Variants in RPTN observed in about 807,000 individuals in gnomAD.
The protein encoded by RPTN is intermediate filament-associated protein.
Under a neutral mutation model 3.6 loss-of-function variants are expected in RPTN, and 4 were observed. The ratio of observed to expected loss-of-function variants is 1.12; its 90% CI spans 0.55 to 2.55. The LOEUF (loss-of-function observed/expected upper bound fraction) is 2.55. Among genes scored for constraint, RPTN ranks in the 30% most tolerant of loss-of-function variants. RPTN has a pLI of 0.02. For synonymous variants in RPTN, 293 were observed against 319.3 expected, an observed-to-expected ratio of 0.92 and a Z score of 0.88; for missense variants, 860 against 916.7, an observed-to-expected ratio of 0.94 and a Z score of 0.80.
At position 152,156,537 on chromosome 1, in the gene RPTN, G is replaced by T; in HGVS notation, c.562C>A (p.Gln188Lys). 4.3e-6 allele frequency: 7 copies of T among 1,614,186 alleles called. No individual in the cohort carries two copies. Among genetic ancestry groups the T allele is most frequent in the Non-Finnish European group, 5.9e-6 (7 of 1,180,040 alleles). The part of the protein sequence containing the change: ...RDSHHNQSER[Q>K]DKDFSFDQSE... ...TGATCAAAGCTGAAATCCTTGTCTT[G>T]TCTCTCAGACTGATTGTGGTGAGAA... Residue 188 changes from glutamine (Q) to lysine (K), a missense_variant, in exon 3 of 3, where the codon CAA becomes AAA. Gln to Lys is a moderately conservative substitution (Grantham distance 53). Coordinates refer to ENST00000316073, the MANE Select transcript of RPTN (RefSeq NM_001122965.1).
At position 152,154,694 on chromosome 1, in the gene RPTN, C is replaced by T; in HGVS notation, c.*50G>A. The T allele has an allele frequency of 1.3e-6, 2 of 1,595,142 alleles. No individual in the cohort carries two copies. Among genetic ancestry groups the T allele is most frequent in the Middle Eastern group, 1.7e-4 (1 of 5,948 alleles). On this transcript the variant is annotated 3_prime_UTR_variant, in exon 3 of 3. Coordinates refer to ENST00000316073, the MANE Select transcript of RPTN (RefSeq NM_001122965.1). The stretch of plus-strand genomic sequence containing the variant: ...CCTCTCTTTCTCCTCATAGTTTTGT[C>T]TATTATGTTGTTGCTGATGGTTTTG...
chr1:152,157,780 A>G lies in RPTN; in HGVS notation c.110T>C (p.Leu37Pro). 6.2e-7 allele frequency: 1 copy of G among 1,613,912 alleles called. No individual in the cohort carries two copies. Among genetic ancestry groups the G allele is most frequent in the Non-Finnish European group, 8.5e-7 (1 of 1,179,924 alleles). The change falls in exon 2 of 3, where the codon CTC becomes CCC. Residue 37 changes from leucine (L) to proline (P), a missense_variant. By Grantham distance (98) the Leu-to-Pro change is moderately conservative. Coordinates refer to ENST00000316073, the MANE Select transcript of RPTN (RefSeq NM_001122965.1). ...GAGGATGTCTCCAAACTCAGCCAAGAGCAGTTGTTTCAACTCTTCCTTGCA... is the reference window on the plus strand; with the variant it reads ...GAGGATGTCTCCAAACTCAGCCAAGGGCAGTTGTTTCAACTCTTCCTTGCA... Reference protein sequence around the residue: ...LLCKEELKQLLLAEFGDILQR... With the variant: ...LLCKEELKQLPLAEFGDILQR...
chr1:152,156,829 G>C lies in RPTN; in HGVS notation c.270C>G (p.Asp90Glu), dbSNP rs1659216742. The C allele has an allele frequency of 1.2e-6, 2 of 1,614,130 alleles. No individual in the cohort carries two copies. The highest frequency in any genetic ancestry group is 1.7e-6 in the Non-Finnish European group (2 of 1,180,032). Reference protein sequence around the residue: ...QLVQACYHKLDNKSHGGRTSQ... With the variant: ...QLVQACYHKLENKSHGGRTSQ... ...AGGTCCTGCCTCCATGTGACTTATT[G>C]TCTAGCTTATGATAGCAGGCTTGGA... is the stretch of plus-strand genomic sequence containing the variant. Residue 90 changes from aspartate to glutamate, a missense_variant, in exon 3 of 3, where the codon GAC (aspartate) becomes GAG (glutamate). Transcript: ENST00000316073.
chr1:152,157,648 T>A, intron 2 of RPTN, 104 bp downstream of exon 2: 1 of 1,219,474 alleles, frequency 8.2e-7, no homozygotes, highest in Non-Finnish European at 1.1e-6. Context: ...TTCCTTTTCT[T>A]ACAGGGCAGA....
chr1:152,158,508 T>C (rs942034450), intron 1 of RPTN, among the ~76,000 whole-genome samples: 8 of 152,200 alleles, frequency 5.3e-5, no homozygotes, highest in African/African-American at 1.9e-4. Flanking sequence ...ATATAAAAGC[T>C]GTTACAGATA....
chr1:152,157,819 TC>T lies in RPTN; in HGVS notation c.70del (p.Asp24ThrfsTer10). ...VFHKYAKGNG[D>X]CALLCKEELK... Reference sequence around the variant, plus strand: ...CTCTTCCTTGCATAGTAAGGCACAGTCCCCATTCCCTTTGGCATATTTGTGG... The same window carrying T: ...CTCTTCCTTGCATAGTAAGGCACAGTCCCATTCCCTTTGGCATATTTGTGG... On this transcript the variant is annotated frameshift_variant, in exon 2 of 3. Coordinates refer to ENST00000316073, the MANE Select transcript of RPTN (RefSeq NM_001122965.1). LOFTEE classifies it high-confidence loss of function. 1 of 1,613,972 alleles carries T rather than the reference TC, an allele frequency of 6.2e-7. No individual in the cohort carries two copies. The highest frequency in any genetic ancestry group is 8.5e-7 in the Non-Finnish European group (1 of 1,179,918).
intron 2 of RPTN, 148 bp from the exon 3 acceptor site, chr1:152,157,108 C>T: frequency 1.5e-6 from 1 of 677,342 alleles, no homozygotes; most frequent in Non-Finnish European, 2.5e-6. Context: ...GGACTTGGCG[C>T]TAGTCTTTGA....
At chr1:152,157,646 C>A in intron 2 of RPTN, 106 bp downstream of exon 2, 1 of 1,177,676 alleles carries the variant, frequency 8.5e-7, no homozygotes, top group East Asian at 2.6e-5. Flanking sequence ...AATTCCTTTT[C>A]TTACAGGGCA....
At chr1:152,157,098 G>A (rs1011801640) in intron 2 of RPTN, 138 bp from the exon 3 acceptor site, 1 of 721,288 alleles carries the variant, frequency 1.4e-6, no homozygotes, top group Non-Finnish European at 2.3e-6. Context: ...GAAGTGGTGT[G>A]GACTTGGCGC....
chr1:152,155,332 C>A lies in RPTN; in HGVS notation c.1767G>T (p.Gly589=), dbSNP rs778670730. The stretch of plus-strand genomic sequence containing the variant: ...AGTACTTATTTTGCCCTTGTATTTC[C>A]CCAGTCTGTGATTGAATATAGTGGG... ...QSSHYIQSQT[G]EIQGQNKYFQ... The change falls in exon 3 of 3, where the codon GGG becomes GGT. Residue 589 remains glycine, a synonymous_variant. Transcript: ENST00000316073. The A allele has an allele frequency of 1.2e-6, 2 of 1,614,088 alleles. No homozygotes were observed. Among genetic ancestry groups the A allele is most frequent in the Non-Finnish European group, 1.7e-6 (2 of 1,180,054 alleles).
In RPTN at chr1:152,155,372, C is replaced by T; in HGVS notation, c.1727G>A (p.Arg576Lys). The change falls in exon 3 of 3, where the codon AGA (arginine) becomes AAA (lysine). Residue 576 changes from arginine (R) to lysine (K), a missense_variant. By Grantham distance (26) the Arg-to-Lys change is conservative. Transcript: ENST00000316073. ...GQSYHYGQTD[R>K]QGQSSHYIQS... ...AATATAGTGGGAACTCTGGCCTTGTCTGTCTGTCTGACCATAATGATAGCT... is the reference window on the plus strand; with the variant it reads ...AATATAGTGGGAACTCTGGCCTTGTTTGTCTGTCTGACCATAATGATAGCT... 1 of 1,614,122 alleles carries T rather than the reference C, an allele frequency of 6.2e-7. No homozygotes were observed. The highest frequency in any genetic ancestry group is 1.1e-5 in the South Asian group (1 of 91,072).
At position 152,154,386 on chromosome 1, in the gene RPTN, C is replaced by T. The variant is rs1659147936; in HGVS notation, c.*358G>A. 1 of 286,484 alleles carries T rather than the reference C, an allele frequency of 3.5e-6. No homozygotes were observed. Among genetic ancestry groups the T allele is most frequent in the Non-Finnish European group, 6.5e-6 (1 of 154,770 alleles). The allele number at this position is 286,484 out of a possible 1,614,324, so 17.7% of individuals were successfully genotyped here. ...CTCGACATATAGGTTTCTTTTTTGG[C>T]TTTGTGTTGCTTTACCTCTGGTGCT... On this transcript the variant is annotated 3_prime_UTR_variant, in exon 3 of 3. Transcript: ENST00000316073.
In RPTN at chr1:152,153,604, TC is replaced by T. The variant is rs1269314169; in HGVS notation, c.*1139del. ...AAGGAGTCATGACAGTTATTGCTCATCAATTATTTATTAGATATTTTAATAC... is the reference window on the plus strand; with the variant it reads ...AAGGAGTCATGACAGTTATTGCTCATAATTATTTATTAGATATTTTAATAC... On this transcript the variant is annotated 3_prime_UTR_variant, in exon 3 of 3. Coordinates refer to ENST00000316073, the MANE Select transcript of RPTN (RefSeq NM_001122965.1). 1 of 152,324 alleles carries T rather than the reference TC, an allele frequency of 6.6e-6. No individual in the cohort carries two copies. The highest frequency in any genetic ancestry group is 1.5e-5 in the Non-Finnish European group (1 of 68,046). 9.4% of individuals were successfully genotyped at this position (152,324 alleles called of 1,614,324 possible).
rs758537608 is a variant in RPTN at position 152,156,482 on chromosome 1, G to A, written c.617C>T (p.Ser206Phe). The change falls in exon 3 of 3, where the codon TCT becomes TTT. Residue 206 changes from serine to phenylalanine, a missense_variant. Coordinates refer to ENST00000316073, the MANE Select transcript of RPTN (RefSeq NM_001122965.1). ...AGATTTGTGACTCACTTTTTTACCA[G>A]AGCTGGAGTCTTGACTTTGTCTCTC... Reference protein sequence around the residue: ...QSERQSQDSSSGKKVSHKSTS... With the variant: ...QSERQSQDSSFGKKVSHKSTS... 2.4e-5 allele frequency: 39 copies of A among 1,614,216 alleles called. No homozygotes were observed. The highest frequency in any genetic ancestry group is 3.0e-5 in the Non-Finnish European group (35 of 1,180,044).
rs1659202336 is a variant in RPTN at position 152,156,229 on chromosome 1, G to T, written c.870C>A (p.Gly290=). The T allele has an allele frequency of 6.2e-7, 1 of 1,613,926 alleles. No individual in the cohort carries two copies. The highest frequency in any genetic ancestry group is 1.1e-5 in the South Asian group (1 of 91,072). The change falls in exon 3 of 3, where the codon GGC becomes GGA. Residue 290 remains glycine, a synonymous_variant. Coordinates refer to ENST00000316073, the MANE Select transcript of RPTN (RefSeq NM_001122965.1). ...CCGTCTGACCGTAGTGGGAACTCTG[G>T]CCTTGTCTGTCTGTCTGACCACAGC... ...ELGCGQTDRQ[G]QSSHYGQTDR...
rs1659159303 is a variant in RPTN, at chr1:152,154,865, C to T, written c.2234G>A (p.Arg745Lys). Residue 745 changes from arginine to lysine, a missense_variant, in exon 3 of 3, where the codon AGA becomes AAA. Coordinates refer to ENST00000316073, the MANE Select transcript of RPTN (RefSeq NM_001122965.1). Reference sequence around the variant, plus strand: ...GCTCTGCTCATGTTCATGGGTTTGTCTGTCTCGTCTCTGATGGTTCTGCTC... The same window carrying T: ...GCTCTGCTCATGTTCATGGGTTTGTTTGTCTCGTCTCTGATGGTTCTGCTC... ...KDEQNHQRRD[R>K]QTHEHEQSHQ... 6 of 1,613,942 alleles carry T rather than the reference C, an allele frequency of 3.7e-6. 1 individual carries two copies. The South Asian group carries it at 5.5e-5, about 15-fold the overall frequency.
At position 152,156,963 on chromosome 1, in the gene RPTN, G is replaced by GT; in HGVS notation, c.139-4dup. 6.2e-7 allele frequency: 1 copy of GT among 1,606,358 alleles called. No homozygotes were observed. The highest frequency in any genetic ancestry group is 8.5e-7 in the Non-Finnish European group (1 of 1,176,210). ...ACAGTCTCTGGGTCATTTGGTCTCTGTTAGGAGATAAAACAAAGAGCAAAA... is the reference window on the plus strand; with the variant it reads ...ACAGTCTCTGGGTCATTTGGTCTCTGTTTAGGAGATAAAACAAAGAGCAAAA... On this transcript the variant is annotated splice_region_variant and splice_polypyrimidine_tract_variant and intron_variant, in intron 2 of 2. Coordinates refer to ENST00000316073, the MANE Select transcript of RPTN (RefSeq NM_001122965.1).
rs755058588 is a variant in RPTN at position 152,155,320 on chromosome 1, C to T, written c.1779G>A (p.Gly593=). 6.2e-7 allele frequency: 1 copy of T among 1,614,110 alleles called. No individual in the cohort carries two copies. The highest frequency in any genetic ancestry group is 1.3e-5 in the African/African-American group (1 of 74,934). Residue 593 remains glycine, a synonymous_variant, in exon 3 of 3, where the codon GGG becomes GGA. Transcript: ENST00000316073. ...YIQSQTGEIQ[G]QNKYFQGTEG... ...CAGTCCCTTGGAAGTACTTATTTTG[C>T]CCTTGTATTTCCCCAGTCTGTGATT... is the stretch of plus-strand genomic sequence containing the variant.
chr1:152,157,883 G>C lies in RPTN; in HGVS notation c.7C>G (p.Gln3Glu), dbSNP rs1284743917. ...ACACTGAGTATGCTATTCAGGAGTTGAGCCATTTTGACAAGTACGGGTGAA... is the reference window on the plus strand; with the variant it reads ...ACACTGAGTATGCTATTCAGGAGTTCAGCCATTTTGACAAGTACGGGTGAA... MA[Q>E]LLNSILSVID... is the part of the protein sequence containing the mutation. Residue 3 changes from glutamine (Q) to glutamate (E), a missense_variant, in exon 2 of 3, where the codon CAA becomes GAA. Physicochemically the swap from Gln to Glu is conservative, Grantham distance 29. Coordinates refer to ENST00000316073, the MANE Select transcript of RPTN (RefSeq NM_001122965.1). The C allele has an allele frequency of 1.2e-6, 2 of 1,613,748 alleles. No homozygotes were observed. Among genetic ancestry groups the C allele is most frequent in the Non-Finnish European group, 1.7e-6 (2 of 1,179,786 alleles).
Sources: allele counts gnomAD v4.1 joint callset (sites outside exome capture counted in the v4.1 genomes callset), GRCh38; gene constraint gnomAD v4.1.1; transcripts MANE v1.5; gene names NCBI Gene and HGNC (gene_info 2026-07-23, HGNC 2026-07-21).